The following KCNB2 variants were observed in gnomAD, a reference collection of about 807,000 sequenced individuals.
KCNB2 encodes the protein delayed rectifier potassium channel protein.
KCNB2 carries 15 observed loss-of-function variants against 61.5 expected under a neutral mutation model. That is an observed-to-expected ratio of 0.24 (90% CI 0.16 to 0.38). The LOEUF is 0.38. KCNB2 is among the 10% of genes least tolerant of loss of function. The pLI, the probability that KCNB2 is intolerant of heterozygous loss-of-function variation, is 1.00. For synonymous variants in KCNB2, 457 were observed against 446.0 expected (o/e 1.02, Z -0.31); for missense variants, 828 against 1,125.2 (o/e 0.74, Z 3.78).
chr8:72,573,568 C>T (rs1008658993), intron 2 of KCNB2, among the ~76,000 whole-genome samples: 4 of 151,968 alleles, frequency 2.6e-5, no homozygotes, highest in African/African-American at 4.8e-5. Flanking sequence ...ATTGAGGCCC[C>T]TCTGTGTGCC....
intron 2 of KCNB2, among the ~76,000 whole-genome samples, chr8:72,590,548 A>C (rs1400642932): frequency 6.6e-6 from 1 of 152,206 alleles, no homozygotes; most frequent in African/African-American, 2.4e-5. Flanking sequence ...TTTCTATCAG[A>C]GCATAATGAG....
intron 2 of KCNB2, among the ~76,000 whole-genome samples, chr8:72,889,182 C>G (rs1805855818): frequency 6.6e-6 from 1 of 152,046 alleles, no homozygotes; most frequent in South Asian, 2.1e-4. Context: ...GTTGGAAAAC[C>G]CCTTTGCAAC....
intron 2 of KCNB2, among the ~76,000 whole-genome samples, chr8:72,818,909 A>G (rs953504877): frequency 6.6e-5 from 10 of 152,074 alleles, no homozygotes; most frequent in African/African-American, 2.4e-4. Flanking sequence ...CTCACACCTA[A>G]ACAACTGCAG....
intron 2 of KCNB2, among the ~76,000 whole-genome samples, chr8:72,600,794 A>G (rs1027851681): frequency 5.9e-5 from 9 of 152,070 alleles, no homozygotes; most frequent in African/African-American, 2.2e-4. Context: ...TTATGAGAAC[A>G]CATGGATGCA....
At chr8:72,918,299 T>G (rs1806440520) in intron 2 of KCNB2, among the ~76,000 whole-genome samples, 1 of 152,222 alleles carries the variant, frequency 6.6e-6, no homozygotes. Flanking sequence ...CTTGTCTACT[T>G]AGACTTTCAG....
intron 2 of KCNB2, among the ~76,000 whole-genome samples, chr8:72,648,990 G>T (rs183702040): frequency 1.3e-5 from 2 of 151,804 alleles, no homozygotes; most frequent in African/African-American, 4.8e-5. Flanking sequence ...TTCTTGGATT[G>T]CATACTTTTC....
At chr8:72,860,422 AT>A (rs1187907862) in intron 2 of KCNB2, among the ~76,000 whole-genome samples, 2 of 152,164 alleles carry the variant, frequency 1.3e-5, no homozygotes, top group Non-Finnish European at 2.9e-5. Flanking sequence ...CATTTCTCTA[AT>A]GGCTAACAAT....
intron 2 of KCNB2, among the ~76,000 whole-genome samples, chr8:72,921,958 A>AG (rs1806529385): frequency 6.6e-6 from 1 of 152,174 alleles, no homozygotes; most frequent in East Asian, 1.9e-4. Context: ...TCTATCTCTC[A>AG]TTAAAGTCTG....
chr8:72,556,076 C>T (rs1342066335), intron 1 of KCNB2, among the ~76,000 whole-genome samples: 1 of 152,076 alleles, frequency 6.6e-6, no homozygotes, highest in Non-Finnish European at 1.5e-5. Context: ...TTCAAGACTG[C>T]ATCATCTGGT....
At position 72,937,541 on chromosome 8, in the gene KCNB2, C is replaced by T; in HGVS notation, c.2186C>T (p.Thr729Ile). Residue 729 changes from threonine to isoleucine, a missense_variant, in exon 3 of 3, where the codon ACC becomes ATC. Around this residue, in one of 4 missense-constraint regions of KCNB2, gnomAD observed 559 missense variants for 588.4 expected, o/e 0.95. Transcript: ENST00000523207. Reference sequence around the variant, plus strand: ...GAAAATAGAGGCAGTGCACCACAGACCCCGCCCAGCACAGCCAGGCCACTG... The same window carrying T: ...GAAAATAGAGGCAGTGCACCACAGATCCCGCCCAGCACAGCCAGGCCACTG... Reference protein sequence around the residue: ...FKENRGSAPQTPPSTARPLPV... With the variant: ...FKENRGSAPQIPPSTARPLPV... The T allele has an allele frequency of 6.2e-7, 1 of 1,613,888 alleles. No individual in the cohort carries two copies. The highest frequency in any genetic ancestry group is 8.5e-7 in the Non-Finnish European group (1 of 1,179,908).
In KCNB2 at chr8:72,567,231, G is replaced by A. The variant is rs1033865144; in HGVS notation, c.-93-411G>A. On this transcript the variant is annotated intron_variant, in intron 1 of 2. Transcript: ENST00000523207. ...GGAGGCTGAGGTGGGAGGATCATCTGAGCCCAAGAGATCAAGGCTGCAGTG... is the reference window on the plus strand; with the variant it reads ...GGAGGCTGAGGTGGGAGGATCATCTAAGCCCAAGAGATCAAGGCTGCAGTG... Among the ~76,000 whole-genome samples the A allele has an allele frequency of 4.6e-5, 7 of 152,142 alleles. No individual in the cohort carries two copies. The South Asian group carries it at 1.2e-3, about 27-fold the overall frequency.
At chr8:72,542,733 C>T (rs560702797) in intron 1 of KCNB2, among the ~76,000 whole-genome samples, 6 of 151,946 alleles carry the variant, frequency 3.9e-5, no homozygotes, top group South Asian at 2.1e-4. Context: ...ATGAAGGAAG[C>T]GATATAAGAG....
chr8:72,624,234 A>G (rs1805754645), intron 2 of KCNB2, among the ~76,000 whole-genome samples: 1 of 152,194 alleles, frequency 6.6e-6, no homozygotes, highest in African/African-American at 2.4e-5. Context: ...TTTCTGTGCT[A>G]GTGTCTCAGT....
intron 2 of KCNB2, among the ~76,000 whole-genome samples, chr8:72,815,194 G>T (rs1295788485): frequency 6.6e-6 from 1 of 152,008 alleles, no homozygotes; most frequent in African/African-American, 2.4e-5. Flanking sequence ...TTAATATTAA[G>T]GAAGAAAGGA....
At chr8:72,561,767 A>ACG (rs1806533587) in intron 1 of KCNB2, among the ~76,000 whole-genome samples, 4 of 27,426 alleles carry the variant, frequency 1.5e-4, no homozygotes, top group East Asian at 1.9e-3. Flanking sequence ...ATATGGATAT[A>ACG]TATATATATG....
At chr8:72,789,250 A>T (rs2128998548) in intron 2 of KCNB2, among the ~76,000 whole-genome samples, 1 of 152,322 alleles carries the variant, frequency 6.6e-6, no homozygotes, top group Admixed American at 6.5e-5. Context: ...AATAATATTG[A>T]GTTAAATACT....
intron 2 of KCNB2, among the ~76,000 whole-genome samples, chr8:72,808,723 C>T (rs1809261474): frequency 6.6e-6 from 1 of 151,986 alleles, no homozygotes; most frequent in Non-Finnish European, 1.5e-5. Flanking sequence ...GACATAGTGC[C>T]CCACCCCACC....
At chr8:72,543,586 C>A (rs1205928651) in intron 1 of KCNB2, among the ~76,000 whole-genome samples, 1 of 152,164 alleles carries the variant, frequency 6.6e-6, no homozygotes, top group African/African-American at 2.4e-5. Flanking sequence ...AAATCGTGAG[C>A]AAATCTTGGT....
intron 2 of KCNB2, among the ~76,000 whole-genome samples, chr8:72,848,524 A>G (rs1236319393): frequency 6.6e-6 from 1 of 152,198 alleles, no homozygotes; most frequent in Non-Finnish European, 1.5e-5. Context: ...CAATGTCACA[A>G]TTGCTGTAAA....
Sources: gnomAD v4.1 joint callset for allele counts (sites outside exome capture counted in the v4.1 genomes callset) on GRCh38, gnomAD v4.1.1 for gene constraint, gnomAD v4.1.1 regional missense constraint, MANE v1.5 for transcripts, NCBI Gene and HGNC (gene_info 2026-07-23, HGNC 2026-07-21) for gene names.